The following MSRA variants were observed in gnomAD, a reference collection of about 807,000 sequenced individuals.
MSRA encodes the protein mitochondrial peptide methionine sulfoxide reductase.
MSRA carries 54 observed loss-of-function variants against 31.3 expected under a neutral mutation model. That is an observed-to-expected ratio of 1.73 (90% CI 1.39 to 2.17). MSRA has a LOEUF of 2.17. Ranked by LOEUF, MSRA falls within the 30% of genes most tolerant of loss-of-function variation. The pLI, the probability that MSRA is intolerant of heterozygous loss-of-function variation, is 0.00. For missense variants in MSRA, 507 were observed against 300.9 expected (o/e 1.69, Z -5.07); for synonymous variants, 169 against 116.5 (o/e 1.45, Z -2.90).
At chr8:10,120,868 C>A (rs1460008937) in intron 1 of MSRA, among the ~76,000 whole-genome samples, 1 of 152,110 alleles carries the variant, frequency 6.6e-6, no homozygotes, top group Non-Finnish European at 1.5e-5. Context: ...CTGTACACGT[C>A]CATGATTTGC....
Position 10,417,419 on chromosome 8 carries a change from G to GACACACACACACACACAC in MSRA, c.544-10719_544-10702dup, listed in dbSNP as rs1184991397. ...AGAAGCACTCATCCCTTCGTCAGAA[G>GACACACACACACACACAC]ACACACACACACACACACACACACA... On this transcript the variant is annotated intron_variant, in intron 5 of 5. Transcript: ENST00000317173. Among the ~76,000 whole-genome samples the GACACACACACACACACAC allele has an allele frequency of 2.7e-3, 390 of 145,470 alleles. 2 individuals are homozygous for GACACACACACACACACAC. Among genetic ancestry groups the GACACACACACACACACAC allele is most frequent in the Admixed American group, 6.6e-3 (97 of 14,616 alleles).
intron 1 of MSRA, among the ~76,000 whole-genome samples, chr8:10,121,210 G>C (rs1454828993): frequency 1.3e-5 from 2 of 152,100 alleles, no homozygotes; most frequent in Admixed American, 6.6e-5. Flanking sequence ...TTTTCTGTGA[G>C]GGAGGAATGA....
At chr8:10,348,603 C>T (rs542042364) in intron 5 of MSRA, among the ~76,000 whole-genome samples, 4 of 152,074 alleles carry the variant, frequency 2.6e-5, no homozygotes, top group East Asian at 1.9e-4. Flanking sequence ...CTCTTGACCT[C>T]GTGATCCGCC....
At chr8:10,076,158 TG>T (rs1284071552) in intron 1 of MSRA, among the ~76,000 whole-genome samples, 5 of 152,240 alleles carry the variant, frequency 3.3e-5, no homozygotes, top group Non-Finnish European at 7.3e-5. Flanking sequence ...TCGCTATTTC[TG>T]GGAATAGATG....
chr8:10,067,874 GTTTTTTTTTTT>G (rs71203303), intron 1 of MSRA, among the ~76,000 whole-genome samples: 6 of 49,368 alleles, frequency 1.2e-4, no homozygotes, highest in African/African-American at 1.7e-4. Context: ...TTCTTACTGA[GTTTTTTTTTTT>G]TTTTTTTTTT....
chr8:10,179,297 G>C (rs1228323686), intron 1 of MSRA, among the ~76,000 whole-genome samples: 1 of 152,184 alleles, frequency 6.6e-6, no homozygotes, highest in Non-Finnish European at 1.5e-5. Context: ...AGGTACCAAG[G>C]ACAGAAGGAA....
At chr8:10,277,264 C>A (rs1799368647) in intron 3 of MSRA, among the ~76,000 whole-genome samples, 1 of 152,108 alleles carries the variant, frequency 6.6e-6, no homozygotes, top group Admixed American at 6.6e-5. Context: ...AAGTACATGT[C>A]CAGGTATTTT....
In MSRA at chr8:10,190,760, C is replaced by T. The variant is rs141154644; in HGVS notation, c.143-17073C>T. Among the ~76,000 whole-genome samples, 417 of 152,316 alleles carry T rather than the reference C, an allele frequency of 2.7e-3. 3 individuals carry two copies. Among genetic ancestry groups the T allele is most frequent in the African/African-American group, 8.8e-3 (367 of 41,558 alleles). On this transcript the variant is annotated intron_variant, in intron 1 of 5. Transcript: ENST00000317173. ...GTAAGCAGTATCTGAGTTGAGACTT[C>T]TGTGACCTATGGTTTTTGTCATTTT... is the stretch of plus-strand genomic sequence containing the variant.
chr8:10,361,809 G>A (rs1585583743), intron 5 of MSRA, among the ~76,000 whole-genome samples: 1 of 152,138 alleles, frequency 6.6e-6, no homozygotes, highest in Non-Finnish European at 1.5e-5. Context: ...TGTAAAAAAT[G>A]TCTTCCTAAC....
chr8:10,190,970 C>G (rs1807458104), intron 1 of MSRA, among the ~76,000 whole-genome samples: 1 of 152,256 alleles, frequency 6.6e-6, no homozygotes, highest in African/African-American at 2.4e-5. Flanking sequence ...GGTCGATCAG[C>G]TTCAGCATTA....
chr8:10,185,387 G>A (rs529330636), intron 1 of MSRA, among the ~76,000 whole-genome samples: 2 of 152,308 alleles, frequency 1.3e-5, no homozygotes, highest in Non-Finnish European at 1.5e-5. Context: ...AGCATTGTGG[G>A]TAGGGGCAAA....
intron 1 of MSRA, among the ~76,000 whole-genome samples, chr8:10,098,066 A>G (rs780511616): frequency 6.6e-6 from 1 of 152,132 alleles, no homozygotes; most frequent in African/African-American, 2.4e-5. Flanking sequence ...AGTTGCGTTG[A>G]TTACATTTTT....
chr8:10,414,501 C>A (rs574453818), intron 5 of MSRA, among the ~76,000 whole-genome samples: 1 of 152,188 alleles, frequency 6.6e-6, no homozygotes. Flanking sequence ...ACACCCCCAG[C>A]CCTGGCAGCC....
chr8:10,323,341 A>G (rs1802165528), intron 5 of MSRA, among the ~76,000 whole-genome samples: 1 of 150,152 alleles, frequency 6.7e-6, no homozygotes, highest in Non-Finnish European at 1.5e-5. Flanking sequence ...CCCTTATGTA[A>G]TGATTCGTAG....
chr8:10,236,344 T>C (rs1477587181), intron 2 of MSRA, among the ~76,000 whole-genome samples: 1 of 152,134 alleles, frequency 6.6e-6, no homozygotes, highest in Non-Finnish European at 1.5e-5. Context: ...ACTTTCTGTA[T>C]AGGAAATCAA....
At chr8:10,085,487 A>G (rs1021825978) in intron 1 of MSRA, among the ~76,000 whole-genome samples, 12 of 152,242 alleles carry the variant, frequency 7.9e-5, no homozygotes, top group African/African-American at 2.6e-4. Flanking sequence ...GATGAGCGGA[A>G]CCTCTTTTAG....
At chr8:10,183,659 T>C (rs1806747793) in intron 1 of MSRA, among the ~76,000 whole-genome samples, 1 of 152,122 alleles carries the variant, frequency 6.6e-6, no homozygotes. Context: ...CACACTTTCT[T>C]TTTTCAATCT....
intron 4 of MSRA, among the ~76,000 whole-genome samples, chr8:10,307,084 T>C (rs1207554364): frequency 6.6e-6 from 1 of 152,158 alleles, no homozygotes; most frequent in Non-Finnish European, 1.5e-5. Flanking sequence ...GATGCAGCTC[T>C]GTCTAAAGCT....
At chr8:10,274,020 G>A (rs1288349516) in intron 3 of MSRA, among the ~76,000 whole-genome samples, 1 of 152,140 alleles carries the variant, frequency 6.6e-6, no homozygotes, top group Non-Finnish European at 1.5e-5. Context: ...TGGGAACCAG[G>A]AAGGGAGAAG....
Sources: allele counts gnomAD v4.1 joint callset (sites outside exome capture counted in the v4.1 genomes callset), GRCh38; gene constraint gnomAD v4.1.1; transcripts MANE v1.5; gene names NCBI Gene and HGNC (gene_info 2026-07-23, HGNC 2026-07-21).